Variants in GABRB1 observed in about 807,000 individuals in gnomAD.
GABRB1 encodes the protein gamma-aminobutyric acid type A receptor subunit beta1.
Under a neutral mutation model 51.6 loss-of-function variants are expected in GABRB1, and 17 were observed. That is an observed-to-expected ratio of 0.33 (90% CI 0.23 to 0.49). GABRB1 has a LOEUF of 0.49. Among genes scored for constraint, GABRB1 ranks in the 20% least tolerant of loss-of-function variants. The pLI, the probability that GABRB1 is intolerant of heterozygous loss-of-function variation, is 0.99. For synonymous variants in GABRB1, 247 were observed against 218.9 expected (o/e 1.13, Z -1.14); for missense variants, 410 against 600.6 (o/e 0.68, Z 3.32).
chr4:47,392,696 A>G (rs1728043160), intron 5 of GABRB1, among the ~76,000 whole-genome samples: 3 of 152,182 alleles, frequency 2.0e-5, no homozygotes, highest in Non-Finnish European at 4.4e-5. Flanking sequence ...AGTATCTAAC[A>G]TGAAGCCAGA....
At position 47,094,888 on chromosome 4, in the gene GABRB1, T is replaced by C. The variant is rs563555353; in HGVS notation, c.240+62404T>C. On this transcript the variant is annotated intron_variant, in intron 3 of 8. Coordinates refer to ENST00000295454, the MANE Select transcript of GABRB1 (RefSeq NM_000812.4). ...CTTTAGCTTAAGCTGTATCTGTTAT[T>C]AGGATTGAATCTTCTTGAGTGGGCC... Among the ~76,000 whole-genome samples the C allele has an allele frequency of 6.6e-5, 10 of 152,212 alleles. No individual in the cohort carries two copies. In the South Asian group the frequency reaches 1.0e-3, roughly 16 times the overall value.
At chr4:47,341,232 C>T (rs1725882112) in intron 5 of GABRB1, among the ~76,000 whole-genome samples, 1 of 152,128 alleles carries the variant, frequency 6.6e-6, no homozygotes, top group African/African-American at 2.4e-5. Context: ...ATTTTAATAA[C>T]CAACTGCAAA....
At position 47,326,679 on chromosome 4, in the gene GABRB1, T is replaced by C. The variant is rs75591525; in HGVS notation, c.544+6470T>C. Among the ~76,000 whole-genome samples, 314 of 152,238 alleles carry C rather than the reference T, an allele frequency of 2.1e-3. 12 individuals are homozygous for C. The East Asian group carries it at 0.055, about 27-fold the overall frequency. ...GATCTACCTTGCCCCTTCCACCATA[T>C]AAGGACACAGCTAGAAGTTACCTTT... On this transcript the variant is annotated intron_variant, in intron 5 of 8. Coordinates refer to ENST00000295454, the MANE Select transcript of GABRB1 (RefSeq NM_000812.4).
chr4:47,232,501 T>C (rs1721176886), intron 4 of GABRB1, among the ~76,000 whole-genome samples: 1 of 152,174 alleles, frequency 6.6e-6, no homozygotes, highest in Non-Finnish European at 1.5e-5. Context: ...CACGCACTTT[T>C]GTGACTTTTA....
intron 4 of GABRB1, among the ~76,000 whole-genome samples, chr4:47,306,266 A>T (rs1724466680): frequency 6.6e-6 from 1 of 151,320 alleles, no homozygotes; most frequent in African/African-American, 2.4e-5. Flanking sequence ...AAGAAAAAAA[A>T]AAAAAGAAGG....
chr4:47,295,672 A>G (rs1454732544), intron 4 of GABRB1, among the ~76,000 whole-genome samples: 1 of 152,232 alleles, frequency 6.6e-6, no homozygotes, highest in Non-Finnish European at 1.5e-5. Flanking sequence ...GAACCAAGTT[A>G]GAAAACACTT....
At chr4:47,033,733 A>G (rs527504109) in intron 3 of GABRB1, among the ~76,000 whole-genome samples, 3 of 152,348 alleles carry the variant, frequency 2.0e-5, no homozygotes, top group East Asian at 3.9e-4. Context: ...GAATAGGAAT[A>G]GAATAAAAAG....
chr4:47,045,442 T>G (rs1726038134), intron 3 of GABRB1, among the ~76,000 whole-genome samples: 1 of 149,344 alleles, frequency 6.7e-6, no homozygotes, highest in Non-Finnish European at 1.5e-5. Context: ...TATTCTCCTT[T>G]ATCATCATCA....
intron 3 of GABRB1, among the ~76,000 whole-genome samples, chr4:47,098,356 G>T (rs1714557323): frequency 6.6e-6 from 1 of 151,988 alleles, no homozygotes. Flanking sequence ...AGTTTAAAGA[G>T]CTCATAACTG....
chr4:47,282,875 G>A (rs181083757), intron 4 of GABRB1, among the ~76,000 whole-genome samples: 45 of 152,276 alleles, frequency 3.0e-4, no homozygotes, highest in Middle Eastern at 3.4e-3. Context: ...GAATAGAAAG[G>A]TGGCCATGGT....
intron 4 of GABRB1, among the ~76,000 whole-genome samples, chr4:47,207,845 T>A (rs2109805951): frequency 6.6e-6 from 1 of 152,152 alleles, no homozygotes; most frequent in African/African-American, 2.4e-5. Context: ...TAGCATATAT[T>A]TGATCTAGAA....
chr4:47,388,775 G>T (rs970625669), intron 5 of GABRB1, among the ~76,000 whole-genome samples: 2 of 152,054 alleles, frequency 1.3e-5, no homozygotes, highest in Non-Finnish European at 2.9e-5. Context: ...AAGTTCCTAA[G>T]ACTGAGCATA....
intron 4 of GABRB1, among the ~76,000 whole-genome samples, chr4:47,278,622 C>A (rs1043879012): frequency 6.6e-6 from 1 of 150,586 alleles, no homozygotes; most frequent in South Asian, 2.1e-4. Flanking sequence ...TAGGTTTTTG[C>A]CTTTTGCCTG....
At chr4:47,371,986 G>T (rs562251829) in intron 5 of GABRB1, among the ~76,000 whole-genome samples, 41 of 152,192 alleles carry the variant, frequency 2.7e-4, no homozygotes, top group Middle Eastern at 3.4e-3. Context: ...AATTGCTTTT[G>T]GTGTTTTTAT....
chr4:47,081,904 G>A (rs745673787), intron 3 of GABRB1, among the ~76,000 whole-genome samples: 71 of 152,160 alleles, frequency 4.7e-4, no homozygotes, highest in Middle Eastern at 6.8e-3. Flanking sequence ...CATGTAAGTG[G>A]TTTTATTTCT....
At position 47,403,509 on chromosome 4, in the gene GABRB1, G is replaced by T. The variant is rs375412047; in HGVS notation, c.683-50G>T. 1.2e-5 allele frequency: 20 copies of T among 1,613,244 alleles called. No homozygotes were observed. The Admixed American group carries it at 2.3e-4, about 19-fold the overall frequency. ...GGGGTGCTGTGAAAGGAAGAAGATG[G>T]TTCCAACCAAATAATGGTCTGATTA... On this transcript the variant is annotated intron_variant, in intron 6 of 8. Transcript: ENST00000295454.
intron 4 of GABRB1, among the ~76,000 whole-genome samples, chr4:47,243,603 A>G (rs1324018839): frequency 6.6e-6 from 1 of 152,158 alleles, no homozygotes; most frequent in Non-Finnish European, 1.5e-5. Context: ...GGTCCTTCAC[A>G]TCCCTTGTAA....
chr4:47,381,785 A>G (rs751432007), intron 5 of GABRB1, among the ~76,000 whole-genome samples: 10 of 152,276 alleles, frequency 6.6e-5, no homozygotes, highest in South Asian at 2.1e-4. Context: ...AGTGCCTTTA[A>G]CTAGTGTATG....
intron 1 of GABRB1, among the ~76,000 whole-genome samples, chr4:47,011,422 C>T (rs1352374629): frequency 6.6e-6 from 1 of 152,050 alleles, no homozygotes; most frequent in African/African-American, 2.4e-5. Context: ...GGACTTCTAC[C>T]TTGGGTACTG....
Sources: allele counts gnomAD v4.1 joint callset (sites outside exome capture counted in the v4.1 genomes callset), GRCh38; gene constraint gnomAD v4.1.1; transcripts MANE v1.5; gene names NCBI Gene and HGNC (gene_info 2026-07-23, HGNC 2026-07-21).